Variants in DMXL1 observed in about 807,000 individuals in gnomAD.
The protein encoded by DMXL1 is dmX-like protein 1.
In DMXL1, 99 loss-of-function variants were observed where a neutral mutation model predicts 319.2. That is an observed-to-expected ratio of 0.31 (90% confidence interval 0.26 to 0.37). The LOEUF (loss-of-function observed/expected upper bound fraction) is 0.37, where lower values mean the gene tolerates loss of function less well. Among genes scored for constraint, DMXL1 ranks in the 10% least tolerant of loss-of-function variants. DMXL1 has a pLI of 1.00. For missense variants in DMXL1, 3,745 were observed against 3,595.6 expected (o/e 1.04, Z -1.06); for synonymous variants, 1,385 against 1,235.2 (o/e 1.12, Z -2.54).
Position 119,071,645 on chromosome 5 carries a change from C to A in DMXL1, c.76C>A (p.Gln26Lys). The A allele has an allele frequency of 6.3e-7, 1 of 1,589,072 alleles. No individual in the cohort carries two copies. The highest frequency in any genetic ancestry group is 2.3e-5 in the East Asian group (1 of 43,490). The change falls in exon 1 of 44, where the codon CAG (glutamine) becomes AAG (lysine). Residue 26 changes from glutamine to lysine, a missense_variant. By Grantham distance (53) the Gln-to-Lys change is moderately conservative (BLOSUM62 1). Transcript: ENST00000539542. ...HCFSVGSIGDQRFTAYASGCD... is the reference protein window; with the variant it reads ...HCFSVGSIGDKRFTAYASGCD... ...CTTCTCCGTGGGCAGCATTGGCGAC[C>A]AGCGCTTCACGGTGAGTGAGGGAGG...
At chr5:119,111,849 C>T (rs1184831212) in intron 5 of DMXL1, among the ~76,000 whole-genome samples, 1 of 152,166 alleles carries the variant, frequency 6.6e-6, no homozygotes, top group Non-Finnish European at 1.5e-5. Context: ...GAGGTGATCT[C>T]ACTTGAAATC....
chr5:119,102,181 C>G (rs1210885667), intron 3 of DMXL1, 175 bp downstream of exon 3: 1 of 429,632 alleles, frequency 2.3e-6, no homozygotes, highest in South Asian at 4.7e-5. Context: ...TGGAATAGAA[C>G]TAAAATAAAT....
chr5:119,203,366 T>A lies in DMXL1; in HGVS notation c.7793T>A (p.Leu2598Ter). ...TCTGTGAAGAGGCTTTGGCAGTATT[T>A]GGTGAAGCAGGAAGAAATTCAGGAA... ...ALSVKRLWQY[L>*]VKQEEIQETF... is the part of the protein sequence containing the mutation. The change falls in exon 33 of 44, where the codon TTG (leucine) becomes TAG (stop). Residue 2598 changes from leucine (L) to a stop codon, truncating the protein, a stop_gained. Coordinates refer to ENST00000539542, the MANE Select transcript of DMXL1 (RefSeq NM_001290321.3). LOFTEE classifies it high-confidence loss of function. 6.2e-7 allele frequency: 1 copy of A among 1,607,684 alleles called. No homozygotes were observed. Among genetic ancestry groups the A allele is most frequent in the Non-Finnish European group, 8.5e-7 (1 of 1,177,384 alleles).
rs762078124 is a variant in DMXL1, at chr5:119,164,515, A to G, written c.4711A>G (p.Thr1571Ala). The G allele has an allele frequency of 2.5e-6, 4 of 1,613,762 alleles. No homozygotes were observed. Among genetic ancestry groups the G allele is most frequent in the African/African-American group, 2.7e-5 (2 of 74,918 alleles). The change falls in exon 20 of 44, where the codon ACA (threonine) becomes GCA (alanine). Residue 1571 changes from threonine (T) to alanine (A), a missense_variant. Transcript: ENST00000539542. ...RAQLLHQGLSTSHFAWAFHSV... is the reference protein window; with the variant it reads ...RAQLLHQGLSASHFAWAFHSV... ...TTTTTACATTTCTTCAGGCCTGTCT[A>G]CAAGTCATTTTGCTTGGGCATTTCA...
chr5:119,078,682 G>A (rs1198542611), intron 1 of DMXL1, among the ~76,000 whole-genome samples: 1 of 152,070 alleles, frequency 6.6e-6, no homozygotes, highest in African/African-American at 2.4e-5. Context: ...AAACTCCTGG[G>A]CTCCAGTGAT....
chr5:119,137,569 C>A (rs1480236385), intron 13 of DMXL1, among the ~76,000 whole-genome samples: 1 of 152,184 alleles, frequency 6.6e-6, no homozygotes, highest in Non-Finnish European at 1.5e-5. Flanking sequence ...TCAAGGGAGG[C>A]ACCTGGTGGG....
In DMXL1 at chr5:119,220,932, C is replaced by T; in HGVS notation, c.8136-8C>T. ...GTTGTTTTTATTCTGGTTGACATTC[C>T]TTTATAGATCAGAAGATTTCTTGGT... On this transcript the variant is annotated splice_polypyrimidine_tract_variant and splice_region_variant and intron_variant, in intron 36 of 43. Coordinates refer to ENST00000539542, the MANE Select transcript of DMXL1 (RefSeq NM_001290321.3). 1.2e-6 allele frequency: 2 copies of T among 1,611,450 alleles called. No individual in the cohort carries two copies. Among genetic ancestry groups the T allele is most frequent in the Non-Finnish European group, 1.7e-6 (2 of 1,179,014 alleles).
At chr5:119,089,301 T>C (rs1263181365) in intron 1 of DMXL1, among the ~76,000 whole-genome samples, 2 of 93,704 alleles carry the variant, frequency 2.1e-5, no homozygotes, top group African/African-American at 8.3e-5. Context: ...TATTTTTTTT[T>C]TTTTTTTTTT....
intron 34 of DMXL1, among the ~76,000 whole-genome samples, chr5:119,214,561 G>A (rs1296960419): frequency 6.6e-6 from 1 of 151,984 alleles, no homozygotes; most frequent in African/African-American, 2.4e-5. Flanking sequence ...CTTATCTTCT[G>A]CCACTTATGG....
At chr5:119,174,649 C>A (rs1019458030) in intron 25 of DMXL1, among the ~76,000 whole-genome samples, 2 of 152,248 alleles carry the variant, frequency 1.3e-5, no homozygotes, top group African/African-American at 2.4e-5. Flanking sequence ...TCTTACCTAG[C>A]TGAAGTTTCT....
intron 24 of DMXL1, 76 bp from the exon 25 acceptor site, chr5:119,171,702 G>T (rs2059333062): frequency 8.4e-7 from 1 of 1,186,566 alleles, no homozygotes; most frequent in Admixed American, 2.6e-5. Context: ...GTGTTTTAAA[G>T]AGCCCTTGAT....
intron 1 of DMXL1, among the ~76,000 whole-genome samples, chr5:119,091,744 C>T (rs1176593177): frequency 5.9e-5 from 9 of 152,144 alleles, no homozygotes; most frequent in Non-Finnish European, 1.0e-4. Context: ...GGAGGTATCT[C>T]AGCAGAGGGG....
intron 9 of DMXL1, among the ~76,000 whole-genome samples, chr5:119,122,322 C>T (rs1432143020): frequency 3.4e-5 from 5 of 146,452 alleles, no homozygotes; most frequent in Admixed American, 3.4e-4. Context: ...GCTGACCCCC[C>T]CACCTCCCTC....
chr5:119,182,057 G>A (rs1776875252), intron 28 of DMXL1, among the ~76,000 whole-genome samples: 1 of 152,136 alleles, frequency 6.6e-6, no homozygotes, highest in African/African-American at 2.4e-5. Context: ...AGGCAGGACA[G>A]CAACCTGATA....
At position 119,203,379 on chromosome 5, in the gene DMXL1, A is replaced by G; in HGVS notation, c.7806A>G (p.Glu2602=). 1.9e-6 allele frequency: 3 copies of G among 1,608,444 alleles called. No individual in the cohort carries two copies. The highest frequency in any genetic ancestry group is 2.5e-6 in the Non-Finnish European group (3 of 1,177,520). Residue 2602 remains glutamate, a synonymous_variant, in exon 33 of 44, where the codon GAA becomes GAG. Coordinates refer to ENST00000539542, the MANE Select transcript of DMXL1 (RefSeq NM_001290321.3). ...TTTGGCAGTATTTGGTGAAGCAGGA[A>G]GAAATTCAGGAAACCTTTATCAAAA... The part of the protein sequence containing the change: ...KRLWQYLVKQ[E]EIQETFIKNI...
intron 23 of DMXL1, 91 bp downstream of exon 23, chr5:119,167,955 C>T: frequency 5.6e-6 from 7 of 1,240,422 alleles, no homozygotes; most frequent in Non-Finnish European, 6.5e-6. Flanking sequence ...AAGGGTAATA[C>T]AAACAAATTG....
At chr5:119,114,451 A>T (rs1267305601) in intron 5 of DMXL1, 24 bp from the exon 6 acceptor site, 2 of 1,523,380 alleles carry the variant, frequency 1.3e-6, no homozygotes, top group Non-Finnish European at 1.8e-6. Flanking sequence ...ATTGCAAATT[A>T]TTCCTTATCT....
chr5:119,171,831 TCTC>T lies in DMXL1; in HGVS notation c.6547_6549del (p.Leu2183del). On this transcript the variant is annotated inframe_deletion, in exon 25 of 44. Coordinates refer to ENST00000539542, the MANE Select transcript of DMXL1 (RefSeq NM_001290321.3). ...CTCTGTCAGAGCAAACCTCAGTGCC[TCTC>T]CTCTTTGCTTGTACAGCCAATGCCA... The T allele has an allele frequency of 6.2e-7, 1 of 1,613,908 alleles. No homozygotes were observed. Among genetic ancestry groups the T allele is most frequent in the African/African-American group, 1.3e-5 (1 of 75,030 alleles).
In DMXL1 at chr5:119,101,881, G is replaced by T; in HGVS notation, c.214-54G>T. 2.5e-6 allele frequency: 3 copies of T among 1,205,428 alleles called. No individual in the cohort carries two copies. In the South Asian group the frequency reaches 4.3e-5, roughly 17 times the overall value. 74.7% of individuals were successfully genotyped at this position (1,205,428 alleles called of 1,614,324 possible). ...TAGTATTCATTTCTTTGCTTTTTTT[G>T]ATTCATAAGTAAGTTAACATATCCC... On this transcript the variant is annotated intron_variant, in intron 2 of 43. Transcript: ENST00000539542.
Sources: gnomAD v4.1 joint callset for allele counts (sites outside exome capture counted in the v4.1 genomes callset) on GRCh38, gnomAD v4.1.1 for gene constraint, MANE v1.5 for transcripts, NCBI Gene and HGNC (gene_info 2026-07-23, HGNC 2026-07-21) for gene names.